The following BMPR1A variants were observed in gnomAD, a reference collection of about 807,000 sequenced individuals.
The protein encoded by BMPR1A is bone morphogenetic protein receptor type-1A.
BMPR1A carries 7 observed loss-of-function variants against 66.0 expected under a neutral mutation model. The observed-to-expected ratio is 0.11, with a 90% CI of 0.06 to 0.20. The LOEUF is 0.20. Among genes scored for constraint, BMPR1A ranks in the 10% least tolerant of loss-of-function variants. BMPR1A has a pLI of 1.00. For synonymous variants in BMPR1A, 200 were observed against 229.7 expected (o/e 0.87, Z 1.17); for missense variants, 408 against 669.1 (o/e 0.61, Z 4.31).
intron 1 of BMPR1A, among the ~76,000 whole-genome samples, chr10:86,831,436 T>C (rs972507966): frequency 6.6e-6 from 1 of 152,222 alleles, no homozygotes; most frequent in South Asian, 2.1e-4. Context: ...TAGATGACAT[T>C]GGGTAACTTC....
intron 1 of BMPR1A, among the ~76,000 whole-genome samples, chr10:86,817,061 A>G (rs564531994): frequency 7.2e-5 from 11 of 152,272 alleles, no homozygotes; most frequent in African/African-American, 2.6e-4. Context: ...TTTTTTTCCA[A>G]TTTTTAAAAT....
intron 7 of BMPR1A, among the ~76,000 whole-genome samples, chr10:86,903,520 T>C (rs1735112197): frequency 6.6e-6 from 1 of 151,862 alleles, no homozygotes; most frequent in African/African-American, 2.4e-5. Flanking sequence ...TAGATATAAT[T>C]GGAGTTCCCA....
At chr10:86,781,031 C>T (rs1447636608) in intron 1 of BMPR1A, among the ~76,000 whole-genome samples, 1 of 151,976 alleles carries the variant, frequency 6.6e-6, no homozygotes, top group Non-Finnish European at 1.5e-5. Context: ...TTTCTTTAAT[C>T]TAATATATCC....
At chr10:86,818,918 A>G (rs955024069) in intron 1 of BMPR1A, among the ~76,000 whole-genome samples, 7 of 152,178 alleles carry the variant, frequency 4.6e-5, no homozygotes, top group African/African-American at 1.7e-4. Context: ...TCATTGCTGT[A>G]TGCTGAGGTT....
At chr10:86,850,852 C>T (rs1842556348) in intron 2 of BMPR1A, among the ~76,000 whole-genome samples, 2 of 152,060 alleles carry the variant, frequency 1.3e-5, no homozygotes, top group Non-Finnish European at 2.9e-5. Flanking sequence ...CTTATATGTT[C>T]AGGAAATATA....
Position 86,919,278 on chromosome 10 carries a change from A to G in BMPR1A, c.975A>G (p.Thr325=), listed in dbSNP as rs974541270. The G allele has an allele frequency of 9.9e-6, 16 of 1,613,868 alleles. No homozygotes were observed. Among genetic ancestry groups the G allele is most frequent in the South Asian group, 3.3e-5 (3 of 91,084 alleles). ...TCTATGACTTCCTGAAATGTGCTAC[A>G]CTGGACACCAGAGCCCTGCTTAAAT... ...GSLYDFLKCA[T]LDTRALLKLA... The change falls in exon 10 of 13, where the codon ACA becomes ACG. Residue 325 remains threonine (T), a synonymous_variant. Coordinates refer to ENST00000372037, the MANE Select transcript of BMPR1A (RefSeq NM_004329.3).
chr10:86,907,691 T>A (rs1843417119), intron 7 of BMPR1A, among the ~76,000 whole-genome samples: 4 of 152,198 alleles, frequency 2.6e-5, no homozygotes, highest in African/African-American at 9.7e-5. Flanking sequence ...TGGAGTTCAT[T>A]AATGTTAAGT....
At chr10:86,764,251 T>A (rs1841127430) in intron 1 of BMPR1A, among the ~76,000 whole-genome samples, 1 of 152,238 alleles carries the variant, frequency 6.6e-6, no homozygotes, top group South Asian at 2.1e-4. Flanking sequence ...AAAGAAGCTC[T>A]TGTTAGAAAA....
chr10:86,837,492 A>G (rs1842369964), intron 1 of BMPR1A, among the ~76,000 whole-genome samples: 1 of 152,148 alleles, frequency 6.6e-6, no homozygotes, highest in Admixed American at 6.5e-5. Context: ...TTAGGGAAGA[A>G]TGGTGTAGTT....
At chr10:86,912,070 C>G (rs1309726993) in intron 7 of BMPR1A, among the ~76,000 whole-genome samples, 170 bp from the exon 8 acceptor site, 1 of 152,032 alleles carries the variant, frequency 6.6e-6, no homozygotes. Context: ...ACATAGAACT[C>G]TGAACTCCAT....
chr10:86,847,043 T>G (rs1842495426), intron 2 of BMPR1A, among the ~76,000 whole-genome samples: 1 of 152,068 alleles, frequency 6.6e-6, no homozygotes, highest in Non-Finnish European at 1.5e-5. Flanking sequence ...TTAGTAGAGA[T>G]GGGGTTTCAC....
chr10:86,788,832 C>T (rs1322957719), intron 1 of BMPR1A, among the ~76,000 whole-genome samples: 1 of 152,112 alleles, frequency 6.6e-6, no homozygotes, highest in Non-Finnish European at 1.5e-5. Flanking sequence ...GTCTCGAACT[C>T]CTGACCTTAG....
At chr10:86,852,662 T>C (rs904591752) in intron 2 of BMPR1A, among the ~76,000 whole-genome samples, 1 of 152,236 alleles carries the variant, frequency 6.6e-6, no homozygotes, top group African/African-American at 2.4e-5. Context: ...ACTAATAAGC[T>C]AATCTAAGTT....
At chr10:86,836,096 GTACT>G in intron 1 of BMPR1A, among the ~76,000 whole-genome samples, 1 of 152,226 alleles carries the variant, frequency 6.6e-6, no homozygotes, top group Admixed American at 6.5e-5. Context: ...AAAATGACTT[GTACT>G]TACTTAGCGT....
intron 1 of BMPR1A, among the ~76,000 whole-genome samples, chr10:86,799,330 A>G (rs1007221960): frequency 1.3e-5 from 2 of 152,212 alleles, no homozygotes; most frequent in African/African-American, 4.8e-5. Flanking sequence ...TCAACTTCAC[A>G]AGGTAATTTA....
Position 86,896,297 on chromosome 10 carries a change from AAAAAG to A in BMPR1A, c.334-3492_334-3488del, listed in dbSNP as rs1286909715. Among the ~76,000 whole-genome samples, 8 of 152,160 alleles carry A rather than the reference AAAAAG, an allele frequency of 5.3e-5. No individual in the cohort carries two copies. The East Asian group carries it at 5.8e-4, about 11-fold the overall frequency. On this transcript the variant is annotated intron_variant, in intron 5 of 12. Transcript: ENST00000372037. ...TAGATCTTCTATCATAAAAAAAAAG[AAAAAG>A]AAAAAATGCCCTTTCCAATAACATT... is the stretch of plus-strand genomic sequence containing the variant.
intron 1 of BMPR1A, among the ~76,000 whole-genome samples, chr10:86,761,161 G>A (rs1841050547): frequency 6.6e-6 from 1 of 152,212 alleles, no homozygotes; most frequent in South Asian, 2.1e-4. Context: ...ATCTCAGGGT[G>A]GCCCCTGTGG....
At chr10:86,877,810 A>G (rs1484684571) in intron 3 of BMPR1A, among the ~76,000 whole-genome samples, 1 of 152,176 alleles carries the variant, frequency 6.6e-6, no homozygotes, top group African/African-American at 2.4e-5. Context: ...GGTAATCTCC[A>G]TTTTGGCATA....
chr10:86,870,221 T>G (rs1007020427), intron 2 of BMPR1A, among the ~76,000 whole-genome samples: 2 of 152,172 alleles, frequency 1.3e-5, no homozygotes, highest in Admixed American at 1.3e-4. Flanking sequence ...AAATGTGTCC[T>G]TTAAGTTTCA....
Sources: allele counts gnomAD v4.1 joint callset (sites outside exome capture counted in the v4.1 genomes callset), GRCh38; gene constraint gnomAD v4.1.1; transcripts MANE v1.5; gene names NCBI Gene and HGNC (gene_info 2026-07-23, HGNC 2026-07-21).